PCDHGB6: variants seen among roughly 807,000 people sequenced by gnomAD.
PCDHGB6 encodes protocadherin gamma subfamily B, 6.
Under a neutral mutation model 59.1 loss-of-function variants are expected in PCDHGB6, and 51 were observed. That is an observed-to-expected ratio of 0.86 (90% CI 0.69 to 1.09). The LOEUF is 1.09. Ranked by LOEUF, PCDHGB6 falls within the 50% of genes least tolerant of loss-of-function variation. The pLI is 0.00. For synonymous variants in PCDHGB6, 466 were observed against 495.1 expected, an observed-to-expected ratio of 0.94 and a Z score of 0.78; for missense variants, 1,148 against 1,205.1, an observed-to-expected ratio of 0.95 and a Z score of 0.70.
chr5:141,412,942 A>G, intron 1 of PCDHGB6: 1 of 465,476 alleles, frequency 2.1e-6, no homozygotes, highest in Non-Finnish European at 3.8e-6. Flanking sequence ...TAGGACTCTG[A>G]GCGCCGCTGT....
chr5:141,411,766 C>A (rs796623075), intron 1 of PCDHGB6: 1 of 152,454 alleles, frequency 6.6e-6, no homozygotes, highest in South Asian at 2.1e-4. Context: ...CCTGTGGTCT[C>A]AGCTACTCTG....
intron 1 of PCDHGB6, among the ~76,000 whole-genome samples, chr5:141,484,752 A>G (rs181317421): frequency 6.6e-5 from 10 of 151,098 alleles, no homozygotes; most frequent in Admixed American, 3.3e-4. Context: ...AAAAAAATGT[A>G]TATATATATA....
Position 141,485,210 on chromosome 5 carries a change from C to T in PCDHGB6, c.2419-9597C>T, listed in dbSNP as rs2099609472. 1.2e-6 allele frequency: 2 copies of T among 1,614,058 alleles called. No individual in the cohort carries two copies. The highest frequency in any genetic ancestry group is 1.3e-5 in the African/African-American group (1 of 75,046). ...GGTGAGAAGCTGGACAGAAATCTGG[C>T]GGTGGGCTACCCTTTTGTTCCTCTT... On this transcript the variant is annotated intron_variant, in intron 1 of 3. Coordinates refer to ENST00000520790, the MANE Select transcript of PCDHGB6 (RefSeq NM_018926.3). The surrounding 1 kb of genome is among the most constrained non-coding windows in gnomAD (Gnocchi z 5.7).
intron 1 of PCDHGB6, among the ~76,000 whole-genome samples, chr5:141,456,244 T>C (rs1382294283): frequency 6.6e-6 from 1 of 152,144 alleles, no homozygotes; most frequent in East Asian, 1.9e-4. Context: ...GTTAGGAGGC[T>C]TTGGGCGACC....
At chr5:141,510,695 C>T (rs1023505006) in intron 3 of PCDHGB6, among the ~76,000 whole-genome samples, 1 of 152,166 alleles carries the variant, frequency 6.6e-6, no homozygotes, top group Non-Finnish European at 1.5e-5. Context: ...GTTAGGTAGA[C>T]TTGCCCAGGA....
At chr5:141,428,187 C>A in intron 1 of PCDHGB6, 1 of 1,439,502 alleles carries the variant, frequency 6.9e-7, no homozygotes, top group Non-Finnish European at 9.6e-7. Flanking sequence ...GGACAGCCGC[C>A]GCTCTCTGCG....
chr5:141,490,120 G>A lies in PCDHGB6; in HGVS notation c.2419-4687G>A. On this transcript the variant is annotated intron_variant, in intron 1 of 3. Coordinates refer to ENST00000520790, the MANE Select transcript of PCDHGB6 (RefSeq NM_018926.3). This position sits in a 1 kb window ranked among gnomAD's most constrained non-coding sequence, Gnocchi z 5.4. ...ATCTGAGGCAGTGCGGAACCTCTTT[G>A]GCCTAGACCCTAGCAGTGGGGCAAT... 6.2e-7 allele frequency: 1 copy of A among 1,614,224 alleles called. No homozygotes were observed. Among genetic ancestry groups the A allele is most frequent in the East Asian group, 2.2e-5 (1 of 44,888 alleles).
In PCDHGB6 at chr5:141,409,172, G is replaced by C. The variant is rs574905228; in HGVS notation, c.970G>C (p.Gly324Arg). 1 of 1,614,006 alleles carries C rather than the reference G, an allele frequency of 6.2e-7. No homozygotes were observed. Among genetic ancestry groups the C allele is most frequent in the Non-Finnish European group, 8.5e-7 (1 of 1,179,902 alleles). Residue 324 changes from glycine to arginine, a missense_variant, in exon 1 of 4, where the codon GGA (glycine) becomes CGA (arginine). Coordinates refer to ENST00000520790, the MANE Select transcript of PCDHGB6 (RefSeq NM_018926.3). ...CACCATGGAAGTGGAAGCGAAGGAC[G>C]GAGGTGGTCTCTCTACCCAGTGTAA... ...RYTMEVEAKD[G>R]GGLSTQCKVI...
At position 141,476,901 on chromosome 5, in the gene PCDHGB6, G is replaced by C; in HGVS notation, c.2419-17906G>C. On this transcript the variant is annotated intron_variant, in intron 1 of 3. Coordinates refer to ENST00000520790, the MANE Select transcript of PCDHGB6 (RefSeq NM_018926.3). The surrounding 1 kb of genome is among the most constrained non-coding windows in gnomAD (Gnocchi z 7.6). ...CTGGAGGATGCACCCTCCGGCACGC[G>C]CGTGGTACAAGTCCTTGCAACGGAT... The C allele has an allele frequency of 1.2e-6, 2 of 1,613,900 alleles. No homozygotes were observed. Among genetic ancestry groups the C allele is most frequent in the Non-Finnish European group, 1.7e-6 (2 of 1,180,034 alleles).
At chr5:141,420,001 C>T in intron 1 of PCDHGB6, 1 of 1,614,084 alleles carries the variant, frequency 6.2e-7, no homozygotes, top group Non-Finnish European at 8.5e-7. Flanking sequence ...TTGCTCTACG[C>T]CTGCGACAGT....
chr5:141,441,993 G>T (rs577673608), intron 1 of PCDHGB6: 16 of 251,180 alleles, frequency 6.4e-5, no homozygotes, highest in East Asian at 3.9e-4. Flanking sequence ...CACCGACGAG[G>T]TGCTGACAGC....
At position 141,409,256 on chromosome 5, in the gene PCDHGB6, C is replaced by G. The variant is rs1212394349; in HGVS notation, c.1054C>G (p.Leu352Val). ...DNSPEIIITSLSDQILENSPP... is the reference protein window; with the variant it reads ...DNSPEIIITSVSDQILENSPP... Reference sequence around the variant, plus strand: ...CAGCCCAGAAATAATCATCACTTCTCTCTCTGATCAGATTTTGGAGAATTC... The same window carrying G: ...CAGCCCAGAAATAATCATCACTTCTGTCTCTGATCAGATTTTGGAGAATTC... Residue 352 changes from leucine to valine, a missense_variant, in exon 1 of 4, where the codon CTC becomes GTC. Coordinates refer to ENST00000520790, the MANE Select transcript of PCDHGB6 (RefSeq NM_018926.3). 1.2e-6 allele frequency: 2 copies of G among 1,613,918 alleles called. No homozygotes were observed. Among genetic ancestry groups the G allele is most frequent in the African/African-American group, 2.7e-5 (2 of 74,934 alleles).
At chr5:141,412,939 C>G in intron 1 of PCDHGB6, 1 of 461,988 alleles carries the variant, frequency 2.2e-6, no homozygotes, top group Non-Finnish European at 3.8e-6. Context: ...TCTTAGGACT[C>G]TGAGCGCCGC....
At chr5:141,448,220 G>A (rs750470070) in intron 1 of PCDHGB6, among the ~76,000 whole-genome samples, 9 of 152,148 alleles carry the variant, frequency 5.9e-5, no homozygotes, top group Non-Finnish European at 1.0e-4. Flanking sequence ...GTATGCGAAT[G>A]TATGTGTGGG....
chr5:141,478,748 A>G (rs2099474609), intron 1 of PCDHGB6: 2 of 1,525,644 alleles, frequency 1.3e-6, no homozygotes, highest in African/African-American at 1.4e-5. Context: ...GTCCCATTTC[A>G]GGGGGAAGAT....
Position 141,414,833 on chromosome 5 carries a change from G to A in PCDHGB6, c.2418+4213G>A, listed in dbSNP as rs768992312. On this transcript the variant is annotated intron_variant, in intron 1 of 3. Coordinates refer to ENST00000520790, the MANE Select transcript of PCDHGB6 (RefSeq NM_018926.3). ...CCACTCAGCAGCAACGTGTCGTTGAGCCTGTTTGTGCTGGACCAGAACGAC... is the reference window on the plus strand; with the variant it reads ...CCACTCAGCAGCAACGTGTCGTTGAACCTGTTTGTGCTGGACCAGAACGAC... 1.9e-6 allele frequency: 3 copies of A among 1,614,098 alleles called. No homozygotes were observed. In the East Asian group the frequency reaches 6.7e-5, roughly 36 times the overall value.
At chr5:141,478,165 C>T (rs780594020) in intron 1 of PCDHGB6, 18 of 1,613,920 alleles carry the variant, frequency 1.1e-5, no homozygotes, top group Non-Finnish European at 1.5e-5. Context: ...GCTCTGCCCC[C>T]CGGGAGCAGA....
chr5:141,489,094 G>GAAT lies in PCDHGB6; in HGVS notation c.2419-5711_2419-5710insTAA, dbSNP rs2154581134. 5.1e-6 allele frequency: 2 copies of GAAT among 396,028 alleles called. No homozygotes were observed. Among genetic ancestry groups the GAAT allele is most frequent in the Non-Finnish European group, 9.0e-6 (2 of 221,296 alleles). 24.5% of individuals were successfully genotyped at this position (396,028 alleles called of 1,614,324 possible). Reference sequence around the variant, plus strand: ...CCCACCCCCGCCACTCGGTGACTAAGAACTGCTGCAAGCAGGCAAACCTCC... The same window carrying GAAT: ...CCCACCCCCGCCACTCGGTGACTAAGAATAACTGCTGCAAGCAGGCAAACCTCC... On this transcript the variant is annotated intron_variant, in intron 1 of 3. Coordinates refer to ENST00000520790, the MANE Select transcript of PCDHGB6 (RefSeq NM_018926.3). The surrounding 1 kb of genome is among the most constrained non-coding windows in gnomAD (Gnocchi z 4.5).
At chr5:141,459,938 C>T (rs373341229) in intron 1 of PCDHGB6, among the ~76,000 whole-genome samples, 4 of 152,148 alleles carry the variant, frequency 2.6e-5, no homozygotes, top group African/African-American at 4.8e-5. Context: ...TGTAGCTGGG[C>T]GTGATGGCAG....
Sources: gnomAD v4.1 joint callset for allele counts (sites outside exome capture counted in the v4.1 genomes callset) on GRCh38, gnomAD v4.1.1 for gene constraint, Gnocchi (gnomAD v3.1) non-coding constraint, MANE v1.5 for transcripts, NCBI Gene and HGNC (gene_info 2026-07-23, HGNC 2026-07-21) for gene names.